HSP90AA1: variants seen among roughly 807,000 people sequenced by gnomAD.
HSP90AA1 encodes the protein heat shock protein HSP 90-alpha.
HSP90AA1 carries 18 observed loss-of-function variants against 73.3 expected under a neutral mutation model. The ratio of observed to expected loss-of-function variants is 0.25; its 90% CI spans 0.17 to 0.36. The LOEUF (loss-of-function observed/expected upper bound fraction) is 0.36, where lower values mean the gene tolerates loss of function less well. Among genes scored for constraint, HSP90AA1 ranks in the 10% least tolerant of loss-of-function variants. The pLI is 1.00. For missense variants in HSP90AA1, 704 were observed against 874.2 expected (o/e 0.81, Z 2.45); for synonymous variants, 477 against 296.9 (o/e 1.61, Z -6.24).
At chr14:102,099,286 C>T (rs184697040) in intron 2 of HSP90AA1, among the ~76,000 whole-genome samples, 65 of 152,226 alleles carry the variant, frequency 4.3e-4, no homozygotes, top group African/African-American at 1.4e-3. Flanking sequence ...AGGCTGGGCA[C>T]GGTGGCTCAA....
intron 1 of HSP90AA1, among the ~76,000 whole-genome samples, chr14:102,116,228 G>C (rs1471998935): frequency 1.3e-5 from 2 of 151,818 alleles, no homozygotes; most frequent in South Asian, 4.2e-4. Context: ...GCTGGGATTA[G>C]AGGCATGAGC....
chr14:102,133,003 G>A (rs977699586), intron 1 of HSP90AA1, among the ~76,000 whole-genome samples: 7 of 151,408 alleles, frequency 4.6e-5, no homozygotes, highest in Admixed American at 4.6e-4. Flanking sequence ...GGGCGGGCTG[G>A]GCGCAGTGGC....
At chr14:102,097,878 C>T (rs1401158107) in intron 2 of HSP90AA1, among the ~76,000 whole-genome samples, 3 of 152,122 alleles carry the variant, frequency 2.0e-5, no homozygotes, top group South Asian at 2.1e-4. Context: ...CTGGGCCTAC[C>T]GGTCCTCTAT....
chr14:102,136,613 C>T (rs1227363980), intron 1 of HSP90AA1, among the ~76,000 whole-genome samples: 2 of 147,106 alleles, frequency 1.4e-5, no homozygotes, highest in Admixed American at 6.9e-5. Context: ...TTGGGCCGGG[C>T]GCGGTGGCTC....
chr14:102,122,143 A>G (rs1258208258), intron 1 of HSP90AA1, among the ~76,000 whole-genome samples: 3 of 152,098 alleles, frequency 2.0e-5, no homozygotes, highest in Non-Finnish European at 4.4e-5. Context: ...TAGGAATCCA[A>G]TTTTAAAATT....
intron 1 of HSP90AA1, among the ~76,000 whole-genome samples, chr14:102,113,528 G>A (rs906491045): frequency 7.3e-5 from 11 of 149,996 alleles, no homozygotes; most frequent in African/African-American, 2.7e-4. Flanking sequence ...TTACAGGTGT[G>A]GTATGCCCCA....
At chr14:102,089,324 AC>A (rs1427225702), upstream of HSP90AA1, among the ~76,000 whole-genome samples, 1 of 152,010 alleles carries the variant, frequency 6.6e-6, no homozygotes, top group Non-Finnish European at 1.5e-5. Context: ...ATCACTGGGA[AC>A]CACTGTTTCC....
intron 1 of HSP90AA1, among the ~76,000 whole-genome samples, chr14:102,118,430 A>T (rs1377742856): frequency 6.6e-6 from 1 of 151,792 alleles, no homozygotes; most frequent in African/African-American, 2.4e-5. Context: ...TTTTTAATTG[A>T]GATGGGGTCT....
chr14:102,102,137 T>C (rs935198404), intron 1 of HSP90AA1: 25 of 1,511,506 alleles, frequency 1.7e-5, no homozygotes, highest in Non-Finnish European at 2.3e-5. Flanking sequence ...ATAACAGAGA[T>C]AGGGCGGCAG....
chr14:102,081,962 C>G (rs2049110216), intron 10 of HSP90AA1, 141 bp from the exon 11 acceptor site: 1 of 767,326 alleles, frequency 1.3e-6, no homozygotes, highest in East Asian at 2.6e-5. Flanking sequence ...CTTGTAAGAC[C>G]TTACTTATCC....
At position 102,080,759 on chromosome 14, in the gene HSP90AA1, CTG is replaced by C. The variant is rs1258536401; in HGVS notation, c.*951_*952del. ...ACTGTAAGGCCAAGGAATTAAGTGA[CTG>C]TATTTAACACAGAAGGTATTCCATG... On this transcript the variant is annotated 3_prime_UTR_variant, in exon 11 of 11. Transcript: ENST00000216281. The C allele has an allele frequency of 4.7e-6, 1 of 212,352 alleles. No homozygotes were observed. Among genetic ancestry groups the C allele is most frequent in the African/African-American group, 2.3e-5 (1 of 44,168 alleles). 13.2% of individuals were successfully genotyped at this position (212,352 alleles called of 1,614,324 possible). A position where few individuals can be genotyped will look rare whatever the true frequency, so the allele number is the denominator to read the frequency against.
chr14:102,116,711 G>T (rs1473693453), intron 1 of HSP90AA1, among the ~76,000 whole-genome samples: 1 of 152,188 alleles, frequency 6.6e-6, no homozygotes, highest in Non-Finnish European at 1.5e-5. Flanking sequence ...AGGAGCCAGG[G>T]ACAAGCTGGA....
At chr14:102,122,740 TC>T (rs1258674712) in intron 1 of HSP90AA1, among the ~76,000 whole-genome samples, 7 of 151,996 alleles carry the variant, frequency 4.6e-5, no homozygotes, top group African/African-American at 1.7e-4. Flanking sequence ...CGATCTCAGC[TC>T]ACTGCAACCT....
intron 1 of HSP90AA1, among the ~76,000 whole-genome samples, 199 bp from the exon 2 acceptor site, chr14:102,086,577 G>C (rs967427763): frequency 1.3e-5 from 2 of 152,004 alleles, no homozygotes; most frequent in Non-Finnish European, 2.9e-5. Context: ...GCGCGCTTCC[G>C]GGAGGCCGCC....
exon 1 of HSP90AA1, chr14:102,139,401 G>T: frequency 6.4e-7 from 1 of 1,563,150 alleles, no homozygotes; most frequent in Non-Finnish European, 8.7e-7. Flanking sequence ...GAACACGGGG[G>T]CATCCGCGCT....
intron 1 of HSP90AA1, 134 bp from the exon 2 acceptor site, chr14:102,086,512 G>A (rs866541700): frequency 5.9e-6 from 6 of 1,015,028 alleles, no homozygotes; most frequent in African/African-American, 1.6e-5. Context: ...AAAATAGAAG[G>A]GCGGCTGACA....
intron 10 of HSP90AA1, 71 bp downstream of exon 10, chr14:102,082,040 G>T: frequency 2.7e-6 from 3 of 1,112,674 alleles, no homozygotes; most frequent in Admixed American, 3.8e-5. Context: ...TTGGATAACT[G>T]AAAGTTCACC....
intron 1 of HSP90AA1, among the ~76,000 whole-genome samples, chr14:102,119,602 C>T (rs1478282019): frequency 6.6e-6 from 1 of 152,192 alleles, no homozygotes; most frequent in Non-Finnish European, 1.5e-5. Context: ...AATTCTCCTG[C>T]CTCACCCTCC....
At chr14:102,114,181 G>T (rs2049679230) in intron 1 of HSP90AA1, among the ~76,000 whole-genome samples, 2 of 151,296 alleles carry the variant, frequency 1.3e-5, no homozygotes, top group South Asian at 2.1e-4. Flanking sequence ...GTAGAGATGG[G>T]GTTCACCATG....
Sources: allele counts gnomAD v4.1 joint callset (sites outside exome capture counted in the v4.1 genomes callset), GRCh38; gene constraint gnomAD v4.1.1; transcripts MANE v1.5; gene names NCBI Gene and HGNC (gene_info 2026-07-23, HGNC 2026-07-21).